Variants in ACAD11 observed in about 807,000 individuals in gnomAD.
The protein encoded by ACAD11 is acyl-CoA dehydrogenase family member 11.
Under a neutral mutation model 102.2 loss-of-function variants are expected in ACAD11, and 83 were observed. The observed-to-expected ratio is 0.81, with a 90% CI of 0.68 to 0.97. The LOEUF is 0.97. Ranked by LOEUF, ACAD11 falls within the 50% of genes least tolerant of loss-of-function variation. The pLI is 0.00. For synonymous variants in ACAD11, 324 were observed against 319.8 expected, an observed-to-expected ratio of 1.01 and a Z score of -0.14; for missense variants, 901 against 951.7, an observed-to-expected ratio of 0.95 and a Z score of 0.70.
At chr3:132,646,138 G>A (rs1203968018) in intron 1 of ACAD11, among the ~76,000 whole-genome samples, 1 of 152,080 alleles carries the variant, frequency 6.6e-6, no homozygotes. Flanking sequence ...CACCGCACCC[G>A]GCTAATTTTT....
intron 4 of ACAD11, 145 bp downstream of exon 4, chr3:132,641,827 C>T (rs535965691): frequency 1.5e-6 from 1 of 652,400 alleles, no homozygotes; most frequent in Non-Finnish European, 2.4e-6. Flanking sequence ...TAATTTTATA[C>T]TAAAAACTAG....
In ACAD11 at chr3:132,578,832, T is replaced by G; in HGVS notation, c.1738A>C (p.Lys580Gln). Residue 580 changes from lysine (K) to glutamine (Q), a missense_variant, in exon 15 of 20, where the codon AAA (lysine) becomes CAA (glutamine). Transcript: ENST00000264990. ...AAAACTGACAAAGGCCTTATTATTT[T>G]TACTCCAGGTGTGTTCATGGGAACA... is the stretch of plus-strand genomic sequence containing the variant. ...ILVPMNTPGV[K>Q]IIRPLSVFGY... The G allele has an allele frequency of 1.9e-6, 3 of 1,613,060 alleles. No homozygotes were observed. Among genetic ancestry groups the G allele is most frequent in the Non-Finnish European group, 2.5e-6 (3 of 1,179,498 alleles).
intron 11 of ACAD11, among the ~76,000 whole-genome samples, chr3:132,610,708 C>G (rs1939095839): frequency 6.6e-6 from 1 of 152,072 alleles, no homozygotes; most frequent in Non-Finnish European, 1.5e-5. Flanking sequence ...CAATAACAGG[C>G]TCTGAAATTG....
At chr3:132,560,286 A>G (rs1427004852) in intron 18 of ACAD11, among the ~76,000 whole-genome samples, 1 of 152,172 alleles carries the variant, frequency 6.6e-6, no homozygotes. Context: ...TAGCAGTTTT[A>G]TGGGCTTTTA....
At chr3:132,614,941 A>G (rs1939343631) in intron 11 of ACAD11, among the ~76,000 whole-genome samples, 1 of 152,242 alleles carries the variant, frequency 6.6e-6, no homozygotes, top group South Asian at 2.1e-4. Context: ...CAAAGGGCTA[A>G]TATCCAGAAT....
chr3:132,639,261 A>G (rs1175837566), intron 5 of ACAD11, among the ~76,000 whole-genome samples: 1 of 152,230 alleles, frequency 6.6e-6, no homozygotes, highest in Non-Finnish European at 1.5e-5. Flanking sequence ...CCTTTTAAGC[A>G]GTAAACCAGA....
rs1559926627 is a variant in ACAD11, at chr3:132,558,923, T to C, written c.*48A>G. ...TTCAAATGTTGGAGCCAATGAAGTT[T>C]GTATAAAGGAGAGTTTCTGCCAGTG... On this transcript the variant is annotated 3_prime_UTR_variant, in exon 20 of 20. Transcript: ENST00000264990. The C allele has an allele frequency of 2.2e-6, 3 of 1,367,772 alleles. No homozygotes were observed. The highest frequency in any genetic ancestry group is 1.4e-5 in the African/African-American group (1 of 69,228). 84.7% of individuals were successfully genotyped at this position (1,367,772 alleles called of 1,614,324 possible). A position where few individuals can be genotyped will look rare whatever the true frequency, so the allele number is the denominator to read the frequency against.
At chr3:132,635,383 C>T (rs1364870311) in intron 5 of ACAD11, among the ~76,000 whole-genome samples, 1 of 152,158 alleles carries the variant, frequency 6.6e-6, no homozygotes, top group Admixed American at 6.5e-5. Flanking sequence ...CTGCAGACCC[C>T]ATTTGGGTAA....
intron 1 of ACAD11, among the ~76,000 whole-genome samples, chr3:132,652,028 T>G (rs1940947911): frequency 6.6e-6 from 1 of 152,176 alleles, no homozygotes; most frequent in Non-Finnish European, 1.5e-5. Context: ...TATGAGGACA[T>G]GACGTTTGGG....
intron 13 of ACAD11, among the ~76,000 whole-genome samples, chr3:132,598,186 G>T (rs891723653): frequency 1.3e-5 from 2 of 152,010 alleles, no homozygotes; most frequent in Admixed American, 1.3e-4. Context: ...AAAATAGAAA[G>T]GATAAGAAAA....
Position 132,618,709 on chromosome 3 carries a change from C to G in ACAD11, c.1339G>C (p.Val447Leu), listed in dbSNP as rs147696744. The change falls in exon 11 of 20, where the codon GTG becomes CTG. Residue 447 changes from valine (V) to leucine (L), a missense_variant. Transcript: ENST00000264990. The stretch of plus-strand genomic sequence containing the variant: ...TCTTCAGCAATCAAGGCATAGTCCA[C>G]GTGGCTGAGTCCGCTGACAGCTGGC... ...FLPAVSGLSH[V>L]DYALIAEETG... 4 of 1,604,314 alleles carry G rather than the reference C, an allele frequency of 2.5e-6. No homozygotes were observed. The highest frequency in any genetic ancestry group is 1.3e-5 in the African/African-American group (1 of 74,208).
intron 9 of ACAD11, among the ~76,000 whole-genome samples, chr3:132,623,859 C>T (rs2107854717): frequency 6.6e-6 from 1 of 152,272 alleles, no homozygotes; most frequent in East Asian, 1.9e-4. Flanking sequence ...CAATTCTGGC[C>T]TCTCCTCTGA....
At chr3:132,577,058 A>G in intron 15 of ACAD11, 43 bp from the exon 16 acceptor site, 1 of 1,177,664 alleles carries the variant, frequency 8.5e-7, no homozygotes, top group Non-Finnish European at 1.2e-6. Context: ...GGAGTTGACT[A>G]AAAAAGAGTC....
At chr3:132,654,160 T>C (rs1475316148) in intron 1 of ACAD11, among the ~76,000 whole-genome samples, 1 of 152,232 alleles carries the variant, frequency 6.6e-6, no homozygotes, top group Non-Finnish European at 1.5e-5. Flanking sequence ...CGTCTCTTCC[T>C]TTCCTAGCCC....
chr3:132,615,633 A>G (rs749244566), intron 11 of ACAD11, among the ~76,000 whole-genome samples: 19 of 152,192 alleles, frequency 1.2e-4, no homozygotes, highest in Admixed American at 1.0e-3. Context: ...CAATGAAAAC[A>G]CATGGACACA....
At chr3:132,628,527 A>G in intron 7 of ACAD11, 81 bp from the exon 8 acceptor site, 1 of 960,480 alleles carries the variant, frequency 1.0e-6, no homozygotes, top group Non-Finnish European at 1.6e-6. Flanking sequence ...TTTCTCAGTT[A>G]TATGTGACAT....
chr3:132,592,106 G>A (rs1938107245), intron 13 of ACAD11, among the ~76,000 whole-genome samples: 1 of 152,062 alleles, frequency 6.6e-6, no homozygotes, highest in Non-Finnish European at 1.5e-5. Flanking sequence ...GGAAGTAAGG[G>A]TGAATACATA....
At chr3:132,575,001 ATTTT>A (rs1015631718) in intron 17 of ACAD11, among the ~76,000 whole-genome samples, 2 of 150,482 alleles carry the variant, frequency 1.3e-5, no homozygotes, top group Admixed American at 1.3e-4. Flanking sequence ...TGCCTGGTTA[ATTTT>A]TTTTGTTTTT....
chr3:132,648,726 T>C (rs1395720384), intron 1 of ACAD11: 2 of 152,324 alleles, frequency 1.3e-5, no homozygotes, highest in East Asian at 1.9e-4. Flanking sequence ...TCTGACCAAG[T>C]GCGTTTAATA....
Sources: gnomAD v4.1 joint callset for allele counts (sites outside exome capture counted in the v4.1 genomes callset) on GRCh38, gnomAD v4.1.1 for gene constraint, MANE v1.5 for transcripts, NCBI Gene and HGNC (gene_info 2026-07-23, HGNC 2026-07-21) for gene names.